Variants in CDK15 observed in about 807,000 individuals in gnomAD.
CDK15 encodes the protein cyclin-dependent kinase 15.
In CDK15, 62 loss-of-function variants were observed where a neutral mutation model predicts 60.3. That is an observed-to-expected ratio of 1.03 (90% CI 0.84 to 1.27). The LOEUF (loss-of-function observed/expected upper bound fraction) is 1.27, where lower values mean the gene tolerates loss of function less well. Among genes scored for constraint, CDK15 ranks in the 50% most tolerant of loss-of-function variants. CDK15 has a pLI of 0.00. For synonymous variants in CDK15, 194 were observed against 195.7 expected (o/e 0.99, Z 0.07); for missense variants, 541 against 527.8 (o/e 1.03, Z -0.25).
chr2:201,835,604 T>C, intron 7 of CDK15, 39 bp from the exon 8 acceptor site: 1 of 1,533,610 alleles, frequency 6.5e-7, no homozygotes. Context: ...CAAGCCAAGG[T>C]CCAGAACGAT....
intron 9 of CDK15, among the ~76,000 whole-genome samples, chr2:201,849,999 A>G (rs1013119394): frequency 6.6e-6 from 1 of 152,056 alleles, no homozygotes; most frequent in Non-Finnish European, 1.5e-5. Context: ...TAACTTTTGT[A>G]TTTTTAGTAG....
intron 12 of CDK15, chr2:201,888,884 T>G: frequency 1.9e-6 from 2 of 1,039,016 alleles, no homozygotes; most frequent in Non-Finnish European, 2.3e-6. Context: ...TTGAGAATAA[T>G]TGGTAAAGTA....
intron 8 of CDK15, among the ~76,000 whole-genome samples, chr2:201,836,109 T>TTTATATATA (rs1697052292): frequency 8.0e-6 from 1 of 124,956 alleles, no homozygotes; most frequent in East Asian, 2.1e-4. Context: ...TATTTATATA[T>TTTATATATA]TTATATATAT....
At position 201,822,846 on chromosome 2, in the gene CDK15, G is replaced by A. The variant is rs751764548; in HGVS notation, c.486G>A (p.Val162=). 2 of 1,613,010 alleles carry A rather than the reference G, an allele frequency of 1.2e-6. No individual in the cohort carries two copies. Among genetic ancestry groups the A allele is most frequent in the Non-Finnish European group, 1.7e-6 (2 of 1,179,142 alleles). Residue 162 remains valine, a synonymous_variant, in exon 5 of 14, where the codon GTG becomes GTA. Coordinates refer to ENST00000652192, the MANE Select transcript of CDK15 (RefSeq NM_001366386.2). ...AGGGTTTGAAACATGCCAATATTGT[G>A]CTCCTGCATGACATAATCCACACCA... ...LLKGLKHANI[V]LLHDIIHTKE...
chr2:201,876,326 A>G (rs1209219618), intron 11 of CDK15, among the ~76,000 whole-genome samples: 2 of 152,222 alleles, frequency 1.3e-5, no homozygotes, highest in African/African-American at 4.8e-5. Context: ...CCCAAAAAGT[A>G]ACATTTGTTT....
chr2:201,833,733 T>C, intron 6 of CDK15, 115 bp from the exon 7 acceptor site: 2 of 709,994 alleles, frequency 2.8e-6, no homozygotes, highest in Non-Finnish European at 3.9e-6. Context: ...TTTTTTTTTT[T>C]GGTCTCTCAA....
chr2:201,879,089 G>A (rs1347061524), intron 11 of CDK15, among the ~76,000 whole-genome samples: 1 of 152,114 alleles, frequency 6.6e-6, no homozygotes. Context: ...CATAGTAGTT[G>A]CTCAATAAAT....
intron 4 of CDK15, among the ~76,000 whole-genome samples, chr2:201,822,459 A>G (rs972809953): frequency 2.6e-5 from 4 of 152,218 alleles, no homozygotes; most frequent in African/African-American, 9.6e-5. Context: ...AAAGCCCTTT[A>G]TCTCTCCAGG....
chr2:201,811,308 A>G (rs1157416505), intron 3 of CDK15, among the ~76,000 whole-genome samples: 2 of 150,766 alleles, frequency 1.3e-5, no homozygotes, highest in African/African-American at 2.4e-5. Flanking sequence ...CCACCACCAC[A>G]CCCGGCTAAT....
rs1041563892 is a variant in CDK15, at chr2:201,882,878, C to T, written c.1198+2711C>T. ...CCAGCACATTATCTACTAAGAGATG[C>T]GGTCCTTGGCCTGGCAGTGCCAGCC... On this transcript the variant is annotated intron_variant, in intron 12 of 13. Transcript: ENST00000652192. This position sits in a 1 kb window ranked among gnomAD's most constrained non-coding sequence, Gnocchi z 4.0. 3.9e-5 allele frequency among the ~76,000 whole-genome samples: 6 copies of T among 152,162 alleles called. No homozygotes were observed. Among genetic ancestry groups the T allele is most frequent in the South Asian group, 2.1e-4 (1 of 4,822 alleles).
intron 10 of CDK15, among the ~76,000 whole-genome samples, chr2:201,870,988 T>A (rs558702532): frequency 4.6e-5 from 7 of 152,282 alleles, no homozygotes; most frequent in African/African-American, 1.7e-4. Flanking sequence ...TTGGGTTAAA[T>A]GGTATCAATA....
chr2:201,880,261 G>A lies in CDK15; in HGVS notation c.1198+94G>A, dbSNP rs531563545. ...GTCTTAAGTAGTTTGCCTCAGCACC[G>A]GAGAATCATAGCATTTACCCCCAGG... On this transcript the variant is annotated intron_variant, in intron 12 of 13. Coordinates refer to ENST00000652192, the MANE Select transcript of CDK15 (RefSeq NM_001366386.2). 9.7e-5 allele frequency: 138 copies of A among 1,429,210 alleles called. 1 individual carries two copies. Among genetic ancestry groups the A allele is most frequent in the African/African-American group, 6.6e-4 (47 of 71,018 alleles). The allele number at this position is 1,429,210 out of a possible 1,614,324, so 88.5% of individuals were successfully genotyped here.
intron 8 of CDK15, among the ~76,000 whole-genome samples, chr2:201,846,677 C>A (rs942716564): frequency 6.6e-6 from 1 of 151,692 alleles, no homozygotes; most frequent in South Asian, 2.1e-4. Context: ...CACTACATAA[C>A]TGCAAGGCCA....
At chr2:201,825,883 A>G (rs1269359987) in intron 6 of CDK15, among the ~76,000 whole-genome samples, 1 of 152,220 alleles carries the variant, frequency 6.6e-6, no homozygotes, top group African/African-American at 2.4e-5. Context: ...AAGAGAGTGG[A>G]AGGCTTCAAG....
chr2:201,836,084 T>TA (rs1438067019), intron 8 of CDK15, among the ~76,000 whole-genome samples: 10 of 52,798 alleles, frequency 1.9e-4, no homozygotes, highest in East Asian at 5.9e-4. Flanking sequence ...TTATATATAT[T>TA]TATATATTTA....
At chr2:201,825,611 G>A (rs1696444890) in intron 6 of CDK15, among the ~76,000 whole-genome samples, 1 of 152,178 alleles carries the variant, frequency 6.6e-6, no homozygotes, top group African/African-American at 2.4e-5. Context: ...CCTGGTAAGG[G>A]TGAAGACCAT....
chr2:201,843,923 T>C, intron 8 of CDK15, among the ~76,000 whole-genome samples: 1 of 27,416 alleles, frequency 3.6e-5, no homozygotes, highest in East Asian at 1.6e-3. Context: ...TGTAACAAAA[T>C]GACTTCTTGG....
intron 10 of CDK15, among the ~76,000 whole-genome samples, chr2:201,860,275 A>G (rs901458328): frequency 6.6e-6 from 1 of 152,180 alleles, no homozygotes; most frequent in South Asian, 2.1e-4. Context: ...TTCTCCACTA[A>G]TGGTTCCAAG....
At chr2:201,831,636 C>T (rs1293393894) in intron 6 of CDK15, among the ~76,000 whole-genome samples, 7 of 152,224 alleles carry the variant, frequency 4.6e-5, no homozygotes, top group South Asian at 2.1e-4. Context: ...TGCCTGTAGA[C>T]GTATCTGGCA....
Sources: gnomAD v4.1 joint callset for allele counts (sites outside exome capture counted in the v4.1 genomes callset) on GRCh38, gnomAD v4.1.1 for gene constraint, Gnocchi (gnomAD v3.1) non-coding constraint, MANE v1.5 for transcripts, NCBI Gene and HGNC (gene_info 2026-07-23, HGNC 2026-07-21) for gene names.